ZNF277: variants seen among roughly 807,000 people sequenced by gnomAD.
The protein encoded by ZNF277 is zinc finger protein 277, also known as nuclear receptor-interacting factor 4.
Under a neutral mutation model 60.7 loss-of-function variants are expected in ZNF277, and 55 were observed. The ratio of observed to expected loss-of-function variants is 0.91; its 90% CI spans 0.73 to 1.13. The LOEUF (loss-of-function observed/expected upper bound fraction) is 1.13. Ranked by LOEUF, ZNF277 falls within the 50% of genes most tolerant of loss-of-function variation. The probability of loss-of-function intolerance (pLI) is 0.00; values close to 1 mark genes in which losing one functional copy is unlikely to be tolerated. For synonymous variants in ZNF277, 178 were observed against 179.3 expected (o/e 0.99, Z 0.06); for missense variants, 510 against 523.0 (o/e 0.98, Z 0.24).
rs187402262 is a variant in ZNF277 at position 112,268,263 on chromosome 7, C to T, written c.92-18610C>T. 1.3e-3 allele frequency among the ~76,000 whole-genome samples: 195 copies of T among 150,846 alleles called. 1 individual carries two copies. Among genetic ancestry groups the T allele is most frequent in the African/African-American group, 4.7e-3 (189 of 40,452 alleles). ...ATGCCTGCATGCACACACACGCACA[C>T]ACAAACACACACACACACACAAAAC... On this transcript the variant is annotated intron_variant, in intron 1 of 11. Transcript: ENST00000361822.
intron 4 of ZNF277, among the ~76,000 whole-genome samples, chr7:112,314,701 TG>T (rs905878815): frequency 2.0e-5 from 3 of 151,938 alleles, no homozygotes; most frequent in African/African-American, 7.2e-5. Context: ...GATGCTGAGG[TG>T]GGAAGATCGC....
intron 5 of ZNF277, among the ~76,000 whole-genome samples, chr7:112,318,701 A>G (rs1792906463): frequency 6.6e-6 from 1 of 152,042 alleles, no homozygotes; most frequent in African/African-American, 2.4e-5. Context: ...CAGCTGGTGC[A>G]GTACAATTCA....
chr7:112,318,066 A>C (rs1013178516), intron 4 of ZNF277, 116 bp from the exon 5 acceptor site: 1 of 742,860 alleles, frequency 1.3e-6, no homozygotes, highest in Non-Finnish European at 2.2e-6. Context: ...AATGTTGGCA[A>C]CTTTTATATA....
intron 1 of ZNF277, among the ~76,000 whole-genome samples, chr7:112,261,845 G>A (rs1035872740): frequency 6.6e-6 from 1 of 152,066 alleles, no homozygotes; most frequent in African/African-American, 2.4e-5. Context: ...TTTAAAGCAA[G>A]GTGACCTGAA....
At chr7:112,311,313 G>A (rs1453852860) in intron 4 of ZNF277, among the ~76,000 whole-genome samples, 2 of 152,022 alleles carry the variant, frequency 1.3e-5, no homozygotes, top group Non-Finnish European at 2.9e-5. Context: ...AACATATATA[G>A]CTTATTATTA....
At chr7:112,305,586 C>G (rs1166151838) in intron 4 of ZNF277, among the ~76,000 whole-genome samples, 1 of 151,606 alleles carries the variant, frequency 6.6e-6, no homozygotes, top group East Asian at 1.9e-4. Context: ...TAATACTAAA[C>G]TTTTAATGAG....
At chr7:112,280,689 G>C (rs1367012662) in intron 1 of ZNF277, among the ~76,000 whole-genome samples, 3 of 151,498 alleles carry the variant, frequency 2.0e-5, no homozygotes, top group Non-Finnish European at 1.5e-5. Flanking sequence ...GCAGTGGCAC[G>C]ATCTCAGCTC....
chr7:112,299,448 G>A (rs1478078516), intron 4 of ZNF277, among the ~76,000 whole-genome samples: 1 of 152,120 alleles, frequency 6.6e-6, no homozygotes, highest in Admixed American at 6.6e-5. Context: ...TACCATTTCT[G>A]AGAGGCACTT....
chr7:112,262,867 G>A (rs1315599863), intron 1 of ZNF277, among the ~76,000 whole-genome samples: 1 of 152,090 alleles, frequency 6.6e-6, no homozygotes, highest in Non-Finnish European at 1.5e-5. Flanking sequence ...AATAAAAATA[G>A]TACAGAGCAG....
intron 1 of ZNF277, among the ~76,000 whole-genome samples, chr7:112,215,319 A>G (rs1449489688): frequency 6.6e-6 from 1 of 152,256 alleles, no homozygotes; most frequent in African/African-American, 2.4e-5. Flanking sequence ...ATCCCACATT[A>G]TACAATATAT....
chr7:112,333,730 A>T (rs1793274575), intron 7 of ZNF277, among the ~76,000 whole-genome samples: 1 of 152,234 alleles, frequency 6.6e-6, no homozygotes. Context: ...CATTCATATC[A>T]GTTTCTGAAT....
intron 1 of ZNF277, among the ~76,000 whole-genome samples, chr7:112,264,755 G>A (rs1015755539): frequency 5.3e-5 from 8 of 151,786 alleles, no homozygotes; most frequent in African/African-American, 1.9e-4. Context: ...GGATTTTTTT[G>A]GTTTCCTAGT....
rs576112164 is a variant in ZNF277 at position 112,268,390 on chromosome 7, T to G, written c.92-18483T>G. Among the ~76,000 whole-genome samples the G allele has an allele frequency of 5.9e-5, 9 of 152,102 alleles. No homozygotes were observed. In the South Asian group the frequency reaches 1.9e-3, roughly 32 times the overall value. ...TGTTTAATTTGAATAGGACTTACCA[T>G]GAGGTAAAGAACAGTTTTTCTCAGG... On this transcript the variant is annotated intron_variant, in intron 1 of 11. Transcript: ENST00000361822.
In ZNF277 at chr7:112,342,670, G is replaced by A; in HGVS notation, c.1294G>A (p.Asp432Asn). The A allele has an allele frequency of 3.1e-6, 5 of 1,612,272 alleles. No individual in the cohort carries two copies. The highest frequency in any genetic ancestry group is 4.2e-6 in the Non-Finnish European group (5 of 1,179,776). Residue 432 changes from aspartate to asparagine, a missense_variant, in exon 12 of 12, where the codon GAT becomes AAT. By Grantham distance (23) the Asp-to-Asn change is conservative (BLOSUM62 1). Coordinates refer to ENST00000361822, the MANE Select transcript of ZNF277 (RefSeq NM_021994.3). ...QNENVPIISE[D>N]TSKLYALKQS... ...TGAAAATGTTCCCATCATCAGTGAA[G>A]ATACATCTAAACTGTATGCTTTGAA...
Position 112,337,559 on chromosome 7 carries a change from A to G in ZNF277, c.870-171A>G, listed in dbSNP as rs1022514837. On this transcript the variant is annotated intron_variant, in intron 8 of 11. Transcript: ENST00000361822. ...ATTTCATGGTGCTGCTTTGAATTTC[A>G]AAAGCTATATCAGAGAGTCATAATA... Among the ~76,000 whole-genome samples, 9 of 152,226 alleles carry G rather than the reference A, an allele frequency of 5.9e-5. No individual in the cohort carries two copies. The East Asian group carries it at 1.3e-3, about 23-fold the overall frequency.
intron 1 of ZNF277, among the ~76,000 whole-genome samples, chr7:112,273,311 T>G (rs1486406997): frequency 2.0e-5 from 3 of 152,172 alleles, no homozygotes; most frequent in Non-Finnish European, 4.4e-5. Flanking sequence ...CTGCCTGGTG[T>G]TGCTTTCTGC....
At chr7:112,304,373 A>G (rs897979880) in intron 4 of ZNF277, among the ~76,000 whole-genome samples, 3 of 152,146 alleles carry the variant, frequency 2.0e-5, no homozygotes, top group Non-Finnish European at 2.9e-5. Flanking sequence ...AATGCTGTTC[A>G]GTGACCCTTT....
At chr7:112,258,366 TC>T (rs1196191105) in intron 1 of ZNF277, among the ~76,000 whole-genome samples, 1 of 150,884 alleles carries the variant, frequency 6.6e-6, no homozygotes, top group Non-Finnish European at 1.5e-5. Flanking sequence ...AATAAACACT[TC>T]TTTTTTTTTT....
intron 2 of ZNF277, among the ~76,000 whole-genome samples, chr7:112,295,435 C>T (rs17491423): frequency 0.051 from 7,778 of 152,106 alleles, 277 homozygotes; most frequent in Admixed American, 0.12. Context: ...TTGCATTATT[C>T]TTCTGACCTC....
Sources: gnomAD v4.1 joint callset for allele counts (sites outside exome capture counted in the v4.1 genomes callset) on GRCh38, gnomAD v4.1.1 for gene constraint, MANE v1.5 for transcripts, NCBI Gene and HGNC (gene_info 2026-07-23, HGNC 2026-07-21) for gene names.